Variants in AKAP13 observed in about 807,000 individuals in gnomAD.
The protein encoded by AKAP13 is A-kinase anchoring protein 13.
A neutral mutation model predicts 264.5 loss-of-function variants in AKAP13; 80 were observed. The ratio of observed to expected loss-of-function variants is 0.30; its 90% CI spans 0.25 to 0.36. The LOEUF is 0.36. Among genes scored for constraint, AKAP13 ranks in the 10% least tolerant of loss-of-function variants. The pLI, the probability that AKAP13 is intolerant of heterozygous loss-of-function variation, is 1.00. For synonymous variants in AKAP13, 1,380 were observed against 1,250.2 expected (o/e 1.10, Z -2.19); for missense variants, 3,712 against 3,435.2 (o/e 1.08, Z -2.01).
chr15:85,741,569 G>T (rs916586952), intron 35 of AKAP13, 74 bp downstream of exon 35: 2 of 1,478,888 alleles, frequency 1.4e-6, no homozygotes, highest in Non-Finnish European at 9.0e-7. Flanking sequence ...AGCAAGGTAA[G>T]AAAGTGAGCA....
At chr15:85,710,779 G>A in intron 19 of AKAP13, 134 bp downstream of exon 19, 1 of 997,314 alleles carries the variant, frequency 1.0e-6, no homozygotes, top group Non-Finnish European at 1.5e-6. Flanking sequence ...AGAGAAGGCT[G>A]CTGTTTTATC....
chr15:85,735,640 T>C lies in AKAP13; in HGVS notation c.7512+10T>C. The C allele has an allele frequency of 6.2e-7, 1 of 1,609,266 alleles. No individual in the cohort carries two copies. Among genetic ancestry groups the C allele is most frequent in the Non-Finnish European group, 8.5e-7 (1 of 1,177,940 alleles). ...TAGTGGCCTAAAAAAGGTATTTCTC[T>C]TTAAAATACACCATGAACCTCCTTG... On this transcript the variant is annotated intron_variant, in intron 32 of 36. Coordinates refer to ENST00000394518, the MANE Select transcript of AKAP13 (RefSeq NM_007200.5).
At chr15:85,511,456 A>G (rs1434381529) in intron 2 of AKAP13, among the ~76,000 whole-genome samples, 3 of 152,140 alleles carry the variant, frequency 2.0e-5, no homozygotes, top group African/African-American at 4.8e-5. Context: ...ACAAATATCT[A>G]TCCTGTCTAC....
intron 8 of AKAP13, among the ~76,000 whole-genome samples, chr15:85,629,764 CTTTTTTTTTTTTTTT>C (rs773396099): frequency 8.9e-4 from 45 of 50,524 alleles, no homozygotes; most frequent in East Asian, 3.4e-3. Context: ...CCTTTACAGC[CTTTTTTTTTTTTTTT>C]TTTTTTTTTT....
At chr15:85,494,665 T>C (rs1261643717) in intron 2 of AKAP13, among the ~76,000 whole-genome samples, 1 of 152,096 alleles carries the variant, frequency 6.6e-6, no homozygotes, top group Non-Finnish European at 1.5e-5. Context: ...AGTGAGGATA[T>C]TGAACTACAG....
At chr15:85,422,409 C>G (rs1301445099) in intron 1 of AKAP13, among the ~76,000 whole-genome samples, 1 of 152,050 alleles carries the variant, frequency 6.6e-6, no homozygotes, top group Non-Finnish European at 1.5e-5. Context: ...GGCTTGGAGC[C>G]CTGAGAAAAC....
chr15:85,388,280 A>G (rs1043656625), intron 1 of AKAP13, among the ~76,000 whole-genome samples: 4 of 151,898 alleles, frequency 2.6e-5, no homozygotes, highest in Admixed American at 2.0e-4. Flanking sequence ...CCTGACCACA[A>G]GTGATCCGCC....
At chr15:85,645,786 T>A in intron 9 of AKAP13, 32 bp from the exon 10 acceptor site, 2 of 1,548,012 alleles carry the variant, frequency 1.3e-6, no homozygotes, top group African/African-American at 2.8e-5. Context: ...TTTTTTTTTT[T>A]TCAATATTGG....
In AKAP13 at chr15:85,688,885, G is replaced by C. The variant is rs574427006; in HGVS notation, c.5289+4012G>C. On this transcript the variant is annotated intron_variant, in intron 16 of 36. Coordinates refer to ENST00000394518, the MANE Select transcript of AKAP13 (RefSeq NM_007200.5). ...ACTGGCAGTTTCTGCTTTTGTCTTA[G>C]TATCTTTGAGAGATAGTGCTGTTTC... is the stretch of plus-strand genomic sequence containing the variant. Among the ~76,000 whole-genome samples the C allele has an allele frequency of 3.3e-5, 5 of 152,290 alleles. No individual in the cohort carries two copies. The East Asian group carries it at 7.7e-4, about 24-fold the overall frequency.
intron 14 of AKAP13, chr15:85,677,193 C>T: frequency 1.1e-6 from 1 of 922,622 alleles, no homozygotes; most frequent in African/African-American, 1.8e-5. Context: ...TGTATGGGGG[C>T]TTTTAGCCTC....
At chr15:85,478,232 A>G (rs1473567241) in intron 1 of AKAP13, among the ~76,000 whole-genome samples, 1 of 152,230 alleles carries the variant, frequency 6.6e-6, no homozygotes, top group African/African-American at 2.4e-5. Context: ...GGGCTCAGAA[A>G]TGTGAAATTA....
chr15:85,710,266 G>A (rs1458787294), intron 18 of AKAP13, among the ~76,000 whole-genome samples: 1 of 152,182 alleles, frequency 6.6e-6, no homozygotes, highest in African/African-American at 2.4e-5. Context: ...ACTGCCTTGG[G>A]TGAGGAGAGG....
chr15:85,590,435 G>A (rs556113102), intron 8 of AKAP13, among the ~76,000 whole-genome samples: 1 of 152,290 alleles, frequency 6.6e-6, no homozygotes, highest in South Asian at 2.1e-4. Context: ...ACAAACTGAG[G>A]AGTAATTTTT....
At chr15:85,554,451 A>G (rs571142090) in intron 5 of AKAP13, among the ~76,000 whole-genome samples, 12 of 152,234 alleles carry the variant, frequency 7.9e-5, no homozygotes, top group Middle Eastern at 3.4e-3. Context: ...TCACCCCACA[A>G]TTGTAACTAT....
intron 13 of AKAP13, among the ~76,000 whole-genome samples, chr15:85,667,725 A>G (rs1271963369): frequency 6.6e-6 from 1 of 152,196 alleles, no homozygotes; most frequent in Non-Finnish European, 1.5e-5. Flanking sequence ...TATTAAACTC[A>G]AGAGTTCCTG....
At chr15:85,393,304 G>C (rs772726148) in intron 1 of AKAP13, among the ~76,000 whole-genome samples, 1 of 152,176 alleles carries the variant, frequency 6.6e-6, no homozygotes, top group Non-Finnish European at 1.5e-5. Context: ...GGAGTTATTT[G>C]GGGAAAAAAT....
At chr15:85,573,622 A>G (rs2078902827) in intron 5 of AKAP13, among the ~76,000 whole-genome samples, 1 of 152,132 alleles carries the variant, frequency 6.6e-6, no homozygotes. Flanking sequence ...TAAGGAAAGG[A>G]AAAATAACAT....
At chr15:85,689,848 C>T (rs1225331020) in intron 16 of AKAP13, 1 of 152,236 alleles carries the variant, frequency 6.6e-6, no homozygotes, top group African/African-American at 2.4e-5. Context: ...CAGCAGCATT[C>T]AAACAGTTAA....
intron 1 of AKAP13, among the ~76,000 whole-genome samples, chr15:85,423,116 A>G (rs899166110): frequency 1.3e-5 from 2 of 152,226 alleles, no homozygotes; most frequent in African/African-American, 4.8e-5. Flanking sequence ...TTTTTGCTGG[A>G]TGGTCTTGCC....
Sources: allele counts gnomAD v4.1 joint callset (sites outside exome capture counted in the v4.1 genomes callset), GRCh38; gene constraint gnomAD v4.1.1; transcripts MANE v1.5; gene names NCBI Gene and HGNC (gene_info 2026-07-23, HGNC 2026-07-21).